Variants in CAPZB observed in about 807,000 individuals in gnomAD.
CAPZB encodes the protein F-actin-capping protein subunit beta.
A neutral mutation model predicts 38.1 loss-of-function variants in CAPZB; 2 were observed. The observed-to-expected ratio is 0.05, with a 90% CI of 0.02 to 0.17. CAPZB has a LOEUF of 0.17. Among genes scored for constraint, CAPZB ranks in the 10% least tolerant of loss-of-function variants. The pLI, the probability that CAPZB is intolerant of heterozygous loss-of-function variation, is 1.00. For missense variants in CAPZB, 161 were observed against 334.2 expected (o/e 0.48, Z 4.04); for synonymous variants, 107 against 127.4 (o/e 0.84, Z 1.08).
chr1:19,403,762 A>G (rs1034271571), intron 2 of CAPZB, among the ~76,000 whole-genome samples: 38 of 152,320 alleles, frequency 2.5e-4, no homozygotes, highest in Admixed American at 2.5e-3. Context: ...ATTGGGACAT[A>G]CCTTCACCCA....
intron 4 of CAPZB, among the ~76,000 whole-genome samples, chr1:19,364,200 G>T (rs554320536): frequency 1.3e-5 from 2 of 152,316 alleles, no homozygotes; most frequent in African/African-American, 4.8e-5. Flanking sequence ...CAGTGCAAAA[G>T]ACTTTTTTCT....
intron 2 of CAPZB, among the ~76,000 whole-genome samples, chr1:19,417,175 G>A (rs2094383847): frequency 6.6e-6 from 1 of 152,176 alleles, no homozygotes; most frequent in Admixed American, 6.5e-5. Context: ...CTGAAAGAGA[G>A]AGTGATGAGG....
At chr1:19,452,280 T>C (rs796290027) in intron 1 of CAPZB, among the ~76,000 whole-genome samples, 4 of 152,250 alleles carry the variant, frequency 2.6e-5, no homozygotes, top group African/African-American at 9.6e-5. Flanking sequence ...GCAACGGCTC[T>C]AGGGCAGCAT....
At chr1:19,395,898 T>A (rs1208982088) in intron 2 of CAPZB, among the ~76,000 whole-genome samples, 1 of 152,232 alleles carries the variant, frequency 6.6e-6, no homozygotes, top group Non-Finnish European at 1.5e-5. Context: ...CAGGAGAAGC[T>A]GCCGCCTACA....
intron 8 of CAPZB, chr1:19,342,887 G>A (rs1225245724): frequency 7.1e-7 from 1 of 1,406,208 alleles, no homozygotes; most frequent in Admixed American, 1.7e-5. Flanking sequence ...TTCAAGATGA[G>A]TGGAGTGGGA....
At chr1:19,408,653 A>G (rs1057320607) in intron 2 of CAPZB, among the ~76,000 whole-genome samples, 13 of 152,208 alleles carry the variant, frequency 8.5e-5, no homozygotes, top group African/African-American at 3.1e-4. Flanking sequence ...ATCCATGGTG[A>G]TGTTCTTTTA....
chr1:19,464,020 C>CAAA lies in CAPZB; in HGVS notation c.3+21413_3+21415dup, dbSNP rs35097598. Among the ~76,000 whole-genome samples the CAAA allele has an allele frequency of 2.2e-4, 28 of 124,630 alleles. 1 individual carries two copies. In the South Asian group the frequency reaches 3.1e-3, roughly 14 times the overall value. The allele number at this position is 124,630 out of a possible 152,430, so 81.8% of individuals were successfully genotyped here. ...TGAACCCCTATCTCTACTAAAAATA[C>CAAA]AAAAAAAAAAAAAAAAATTAGCTGG... On this transcript the variant is annotated intron_variant, in intron 1 of 8. Transcript: ENST00000264202.
At chr1:19,450,694 GC>G in intron 1 of CAPZB, among the ~76,000 whole-genome samples, 1 of 152,274 alleles carries the variant, frequency 6.6e-6, no homozygotes, top group East Asian at 1.9e-4. Flanking sequence ...TGGGCACAAG[GC>G]CCCAGGGAAG....
At chr1:19,358,286 C>G (rs910630670) in intron 4 of CAPZB, among the ~76,000 whole-genome samples, 1 of 152,198 alleles carries the variant, frequency 6.6e-6, no homozygotes, top group Non-Finnish European at 1.5e-5. Flanking sequence ...CACAGGTGTG[C>G]ACCACTGCAC....
At chr1:19,354,098 C>T (rs553366398) in intron 6 of CAPZB, among the ~76,000 whole-genome samples, 44 of 152,308 alleles carry the variant, frequency 2.9e-4, no homozygotes, top group Non-Finnish European at 5.9e-4. Context: ...TCTCACCAGG[C>T]AAATCTGGGT....
intron 4 of CAPZB, among the ~76,000 whole-genome samples, chr1:19,362,014 G>A (rs530570701): frequency 2.0e-4 from 31 of 152,220 alleles, no homozygotes; most frequent in Non-Finnish European, 4.0e-4. Context: ...GAATTAATCC[G>A]CCCTGCCCTG....
intron 1 of CAPZB, chr1:19,484,245 A>T: frequency 6.2e-7 from 1 of 1,612,564 alleles, no homozygotes; most frequent in Non-Finnish European, 8.5e-7. Flanking sequence ...CTGACAGTTC[A>T]GAGGGAAGGG....
rs16862756 is a variant in CAPZB at position 19,430,911 on chromosome 1, G to A, written c.4-11161C>T. Among the ~76,000 whole-genome samples, 1,081 of 152,322 alleles carry A rather than the reference G, an allele frequency of 7.1e-3. 7 individuals carry two copies. Among genetic ancestry groups the A allele is most frequent in the African/African-American group, 0.024 (1,003 of 41,566 alleles). On this transcript the variant is annotated intron_variant, in intron 1 of 8. Transcript: ENST00000264202. Reference sequence around the variant, plus strand: ...ATTGCTCAGGATGGCTCTCCGCCACGTTTCTCAGGCACTGTGCTTGGCTCT... The same window carrying A: ...ATTGCTCAGGATGGCTCTCCGCCACATTTCTCAGGCACTGTGCTTGGCTCT...
chr1:19,448,868 C>A (rs745933642), intron 1 of CAPZB: 12 of 1,612,776 alleles, frequency 7.4e-6, no homozygotes, highest in South Asian at 1.1e-5. Context: ...TCTGGGCTGG[C>A]CAAGGCCTGG....
Position 19,385,629 on chromosome 1 carries a change from G to A in CAPZB, c.94-3C>T, listed in dbSNP as rs1336716871. Reference sequence around the variant, plus strand: ...AGATCCTCACATAGACTGGGGACCTGGCAGAGAGAAAGGACAAGGTCGAAA... The same window carrying A: ...AGATCCTCACATAGACTGGGGACCTAGCAGAGAGAAAGGACAAGGTCGAAA... On this transcript the variant is annotated splice_region_variant and splice_polypyrimidine_tract_variant and intron_variant, in intron 2 of 8. Transcript: ENST00000264202. 16 of 1,614,064 alleles carry A rather than the reference G, an allele frequency of 9.9e-6. No homozygotes were observed. The highest frequency in any genetic ancestry group is 1.4e-5 in the Non-Finnish European group (16 of 1,180,030).
intron 2 of CAPZB, among the ~76,000 whole-genome samples, chr1:19,415,981 C>T (rs185932437): frequency 7.9e-5 from 12 of 152,340 alleles, no homozygotes; most frequent in East Asian, 3.9e-4. Flanking sequence ...CCACTCTGGA[C>T]GATGGGAATC....
intron 1 of CAPZB, among the ~76,000 whole-genome samples, chr1:19,464,895 G>A (rs1313466599): frequency 3.9e-5 from 6 of 152,142 alleles, no homozygotes; most frequent in African/African-American, 1.4e-4. Flanking sequence ...AGGCTGTCTA[G>A]GAGGGGGAAA....
intron 6 of CAPZB, among the ~76,000 whole-genome samples, chr1:19,348,884 A>G (rs1244003166): frequency 1.3e-5 from 2 of 152,086 alleles, no homozygotes; most frequent in Non-Finnish European, 2.9e-5. Flanking sequence ...GGACTAGTGG[A>G]AAAGAGGGAG....
At chr1:19,342,363 A>G (rs2093934293) in intron 8 of CAPZB, among the ~76,000 whole-genome samples, 2 of 152,232 alleles carry the variant, frequency 1.3e-5, no homozygotes, top group African/African-American at 4.8e-5. Flanking sequence ...TCCCTGCACC[A>G]GCATCAGAGG....
Sources: allele counts gnomAD v4.1 joint callset (sites outside exome capture counted in the v4.1 genomes callset), GRCh38; gene constraint gnomAD v4.1.1; transcripts MANE v1.5; gene names NCBI Gene and HGNC (gene_info 2026-07-23, HGNC 2026-07-21).